The following CDH13 variants were observed in gnomAD, a reference collection of about 807,000 sequenced individuals.
The protein encoded by CDH13 is cadherin-13.
A neutral mutation model predicts 63.8 loss-of-function variants in CDH13; 24 were observed. That is an observed-to-expected ratio of 0.38 (90% CI 0.27 to 0.53). The LOEUF is 0.53. Among genes scored for constraint, CDH13 ranks in the 20% least tolerant of loss-of-function variants. CDH13 has a pLI of 0.85. For synonymous variants in CDH13, 503 were observed against 355.3 expected, an observed-to-expected ratio of 1.42 and a Z score of -4.67; for missense variants, 1,049 against 903.1, an observed-to-expected ratio of 1.16 and a Z score of -2.07.
At chr16:83,605,554 C>A (rs541505413) in intron 8 of CDH13, among the ~76,000 whole-genome samples, 4 of 152,220 alleles carry the variant, frequency 2.6e-5, no homozygotes, top group African/African-American at 9.6e-5. Flanking sequence ...GCAGAGCCCA[C>A]CTCATTAGGT....
rs550108762 is a variant in CDH13, at chr16:82,981,617, T to C, written c.158-50393T>C. Among the ~76,000 whole-genome samples, 3 of 152,326 alleles carry C rather than the reference T, an allele frequency of 2.0e-5. No homozygotes were observed. The South Asian group carries it at 6.2e-4, about 32-fold the overall frequency. On this transcript the variant is annotated intron_variant, in intron 2 of 13. Coordinates refer to ENST00000567109, the MANE Select transcript of CDH13 (RefSeq NM_001257.5). ...TCTTCTCCATCTTCTTCAGGTGTTC[T>C]CCTTCCTTCTTTAGGTCAGAAAAGA...
chr16:83,181,123 T>C, intron 4 of CDH13: 1 of 960,472 alleles, frequency 1.0e-6, no homozygotes, highest in South Asian at 1.8e-5. Flanking sequence ...GTATTTGGGA[T>C]AGAAATGTGT....
At chr16:83,781,240 C>G (rs1301200351) in intron 12 of CDH13, among the ~76,000 whole-genome samples, 2 of 152,162 alleles carry the variant, frequency 1.3e-5, no homozygotes, top group Non-Finnish European at 2.9e-5. Flanking sequence ...TATGGAGTAT[C>G]CCTATATCCA....
chr16:83,215,912 T>C (rs1452533630), intron 4 of CDH13, among the ~76,000 whole-genome samples: 1 of 152,176 alleles, frequency 6.6e-6, no homozygotes, highest in East Asian at 1.9e-4. Flanking sequence ...TATAGATGAA[T>C]ACTTGAGGGT....
chr16:83,364,366 T>C (rs923368038), intron 6 of CDH13, among the ~76,000 whole-genome samples: 1 of 152,180 alleles, frequency 6.6e-6, no homozygotes, highest in Non-Finnish European at 1.5e-5. Flanking sequence ...CTGTGCAAGA[T>C]ACAGAGCCAT....
intron 2 of CDH13, among the ~76,000 whole-genome samples, chr16:82,937,430 C>G (rs574033607): frequency 6.6e-6 from 1 of 151,426 alleles, no homozygotes; most frequent in African/African-American, 2.4e-5. Context: ...CACACACACA[C>G]ACACACAGAC....
In CDH13 at chr16:83,323,991, G is replaced by A. The variant is rs185751147; in HGVS notation, c.637-20871G>A. Among the ~76,000 whole-genome samples the A allele has an allele frequency of 1.0e-3, 158 of 151,216 alleles. 2 individuals are homozygous for A. Among genetic ancestry groups the A allele is most frequent in the African/African-American group, 3.8e-3 (155 of 41,208 alleles). ...AAAGTGTACAATTCATTGGTTTTTA[G>A]TATATTCCCAGTCATGCAACCATCA... On this transcript the variant is annotated intron_variant, in intron 5 of 13. Coordinates refer to ENST00000567109, the MANE Select transcript of CDH13 (RefSeq NM_001257.5).
At chr16:83,415,771 A>G (rs1312291333) in intron 6 of CDH13, among the ~76,000 whole-genome samples, 4 of 152,188 alleles carry the variant, frequency 2.6e-5, no homozygotes, top group Non-Finnish European at 4.4e-5. Flanking sequence ...TAAAGGCCAC[A>G]TATGAAAAGT....
chr16:83,671,816 T>C (rs1454663815), intron 9 of CDH13, among the ~76,000 whole-genome samples: 1 of 152,232 alleles, frequency 6.6e-6, no homozygotes, highest in Admixed American at 6.5e-5. Context: ...AATGTAATTA[T>C]AAATGTAAAA....
chr16:83,510,983 G>C (rs1293886871), intron 7 of CDH13, among the ~76,000 whole-genome samples: 1 of 152,222 alleles, frequency 6.6e-6, no homozygotes. Context: ...ATCTAAAGAA[G>C]AACTGCACAC....
intron 2 of CDH13, among the ~76,000 whole-genome samples, chr16:82,982,459 C>A (rs557138225): frequency 3.3e-5 from 5 of 152,186 alleles, no homozygotes; most frequent in Non-Finnish European, 1.5e-5. Context: ...GTCGGCAGAG[C>A]CATAGCGGAG....
intron 7 of CDH13, among the ~76,000 whole-genome samples, chr16:83,556,428 C>T (rs1038666288): frequency 6.6e-6 from 1 of 152,144 alleles, no homozygotes; most frequent in South Asian, 2.1e-4. Flanking sequence ...ATGCACCAAG[C>T]AGGATGCAAA....
At chr16:83,339,932 C>CATT (rs2090684748) in intron 5 of CDH13, among the ~76,000 whole-genome samples, 1 of 152,204 alleles carries the variant, frequency 6.6e-6, no homozygotes, top group Non-Finnish European at 1.5e-5. Context: ...AGTTACTCCT[C>CATT]CCTGGGATAT....
At chr16:83,131,512 A>G (rs1047916925) in intron 4 of CDH13, among the ~76,000 whole-genome samples, 14 of 152,166 alleles carry the variant, frequency 9.2e-5, no homozygotes, top group Non-Finnish European at 1.5e-4. Context: ...TGGGCCATAA[A>G]TAATTTCTCA....
chr16:82,672,524 C>G (rs1024608283), intron 1 of CDH13, among the ~76,000 whole-genome samples: 1 of 151,948 alleles, frequency 6.6e-6, no homozygotes, highest in East Asian at 1.9e-4. Flanking sequence ...TTCGAAACGT[C>G]CAGTATCATT....
chr16:83,770,668 C>T, intron 11 of CDH13, among the ~76,000 whole-genome samples: 1 of 152,110 alleles, frequency 6.6e-6, no homozygotes, highest in Non-Finnish European at 1.5e-5. Context: ...TTCATGCCTC[C>T]CCTTTTTAGA....
intron 6 of CDH13, among the ~76,000 whole-genome samples, chr16:83,405,242 G>T (rs1597943960): frequency 1.3e-5 from 2 of 152,268 alleles, no homozygotes; most frequent in South Asian, 4.2e-4. Context: ...AGCTTTGTAG[G>T]CTGAAAAAAG....
intron 4 of CDH13, among the ~76,000 whole-genome samples, chr16:83,179,671 G>A (rs1187120944): frequency 6.6e-6 from 1 of 151,298 alleles, no homozygotes; most frequent in Non-Finnish European, 1.5e-5. Context: ...AAAAGAAAAG[G>A]GAGCCTCCCT....
chr16:82,900,431 G>GGGT (rs1555538061), intron 2 of CDH13, among the ~76,000 whole-genome samples: 22 of 151,980 alleles, frequency 1.4e-4, no homozygotes, highest in Non-Finnish European at 3.2e-4. Flanking sequence ...AGAAGTACAG[G>GGGT]GATGATACAG....
Sources: gnomAD v4.1 joint callset for allele counts (sites outside exome capture counted in the v4.1 genomes callset) on GRCh38, gnomAD v4.1.1 for gene constraint, MANE v1.5 for transcripts, NCBI Gene and HGNC (gene_info 2026-07-23, HGNC 2026-07-21) for gene names.